The following COL23A1 variants were observed in gnomAD, a reference collection of about 807,000 sequenced individuals.
COL23A1 encodes collagen alpha-1(XXIII) chain.
In COL23A1, 97 loss-of-function variants were observed where a neutral mutation model predicts 99.3. The observed-to-expected ratio is 0.98, with a 90% confidence interval of 0.83 to 1.16. The LOEUF (loss-of-function observed/expected upper bound fraction) is 1.16, where lower values mean the gene tolerates loss of function less well. Ranked by LOEUF, COL23A1 falls within the 50% of genes most tolerant of loss-of-function variation. COL23A1 has a pLI of 0.00. For synonymous variants in COL23A1, 320 were observed against 308.2 expected (o/e 1.04, Z -0.40); for missense variants, 762 against 757.4 (o/e 1.01, Z -0.07).
At chr5:178,535,418 G>A (rs1038729094) in intron 2 of COL23A1, among the ~76,000 whole-genome samples, 2 of 152,228 alleles carry the variant, frequency 1.3e-5, no homozygotes, top group Non-Finnish European at 2.9e-5. Context: ...TGTGGGCAAG[G>A]CCACAAGCTG....
rs553213961 is a variant in COL23A1, at chr5:178,284,031, T to C, written c.441+4293A>G. 7.9e-5 allele frequency among the ~76,000 whole-genome samples: 12 copies of C among 152,328 alleles called. No individual in the cohort carries two copies. In the East Asian group the frequency reaches 2.1e-3, roughly 27 times the overall value. On this transcript the variant is annotated intron_variant, in intron 5 of 28. Transcript: ENST00000390654. ...ACAGCCAAGCCTCCTATTTCTGAGA[T>C]GGGCAAATCACTTTATCCACATAAA...
intron 2 of COL23A1, among the ~76,000 whole-genome samples, chr5:178,335,439 T>C (rs979044673): frequency 2.0e-5 from 3 of 152,076 alleles, no homozygotes; most frequent in Non-Finnish European, 2.9e-5. Flanking sequence ...GGAGAAGGAA[T>C]AAGGAAGACA....
chr5:178,286,996 G>A (rs1333615779), intron 5 of COL23A1, among the ~76,000 whole-genome samples: 2 of 152,152 alleles, frequency 1.3e-5, no homozygotes, highest in Non-Finnish European at 2.9e-5. Context: ...GTTAGTCTCC[G>A]GTCCTCCCGA....
chr5:178,256,756 T>C, intron 14 of COL23A1, 110 bp downstream of exon 14: 1 of 1,100,314 alleles, frequency 9.1e-7, no homozygotes, highest in Non-Finnish European at 1.3e-6. Flanking sequence ...GGTCAGGCCC[T>C]CCTGGGACTT....
chr5:178,358,689 G>A (rs987112060), intron 2 of COL23A1, among the ~76,000 whole-genome samples: 7 of 136,752 alleles, frequency 5.1e-5, no homozygotes, highest in East Asian at 2.2e-4. Flanking sequence ...GTGTATGTGT[G>A]TGTATGTATG....
Position 178,589,324 on chromosome 5 carries a change from AT to A in COL23A1, c.294+579del, listed in dbSNP as rs1764150383. Among the ~76,000 whole-genome samples, 1 of 151,846 alleles carries A rather than the reference AT, an allele frequency of 6.6e-6. No homozygotes were observed. On this transcript the variant is annotated intron_variant, in intron 1 of 28. Transcript: ENST00000390654. This position sits in a 1 kb window ranked among gnomAD's most constrained non-coding sequence, Gnocchi z 5.4. ...CTCCTTCCTCTCATCTTACCAAGTCATGTGGGCGCCCCCACCCCCATCCCCG... is the reference window on the plus strand; with the variant it reads ...CTCCTTCCTCTCATCTTACCAAGTCAGTGGGCGCCCCCACCCCCATCCCCG...
intron 2 of COL23A1, among the ~76,000 whole-genome samples, chr5:178,318,359 C>T (rs2973698): frequency 0.9 from 137,272 of 152,288 alleles, 61,920 homozygotes; most frequent in Admixed American, 0.93. Context: ...GTGGGTGCCA[C>T]GATGGGGAGC....
At chr5:178,443,344 A>C (rs1766984249) in intron 2 of COL23A1, among the ~76,000 whole-genome samples, 1 of 152,230 alleles carries the variant, frequency 6.6e-6, no homozygotes, top group African/African-American at 2.4e-5. Flanking sequence ...CACAAAGGCC[A>C]AATGTCTTGC....
At chr5:178,243,502 AAAAG>A (rs1294246268) in intron 25 of COL23A1, among the ~76,000 whole-genome samples, 2 of 152,004 alleles carry the variant, frequency 1.3e-5, no homozygotes, top group Non-Finnish European at 1.5e-5. Flanking sequence ...AAAAAAAAAA[AAAAG>A]AAACAATTTT....
At chr5:178,249,030 C>G in intron 19 of COL23A1, 87 bp downstream of exon 19, 3 of 1,387,164 alleles carry the variant, frequency 2.2e-6, no homozygotes, top group South Asian at 1.2e-5. Flanking sequence ...GGGTCACGCC[C>G]TGGCCTCCCC....
intron 1 of COL23A1, among the ~76,000 whole-genome samples, chr5:178,582,936 C>A (rs777403143): frequency 2.0e-5 from 3 of 152,212 alleles, no homozygotes; most frequent in Admixed American, 6.5e-5. Flanking sequence ...AACCCACACA[C>A]AGGGTTCGCA....
intron 22 of COL23A1, among the ~76,000 whole-genome samples, chr5:178,246,736 G>T (rs201344520): frequency 1.1e-5 from 1 of 90,668 alleles, no homozygotes; most frequent in Non-Finnish European, 3.0e-5. Flanking sequence ...GGCGGGGGGG[G>T]GGGGACAGGC....
chr5:178,493,661 G>T (rs1758052133), intron 2 of COL23A1, among the ~76,000 whole-genome samples: 1 of 152,270 alleles, frequency 6.6e-6, no homozygotes, highest in Admixed American at 6.5e-5. Flanking sequence ...CAAGGAAAGA[G>T]TTTTCTCTGT....
intron 2 of COL23A1, among the ~76,000 whole-genome samples, chr5:178,333,156 C>T (rs545618467): frequency 1.3e-5 from 2 of 152,184 alleles, no homozygotes; most frequent in South Asian, 2.1e-4. Context: ...CGGGGTTTCA[C>T]CATCTTGGCC....
At chr5:178,241,426 A>C (rs1329650623) in intron 27 of COL23A1, among the ~76,000 whole-genome samples, 1 of 152,022 alleles carries the variant, frequency 6.6e-6, no homozygotes, top group Non-Finnish European at 1.5e-5. Flanking sequence ...GGAGGAAGGA[A>C]GGGGAGGCAC....
intron 2 of COL23A1, among the ~76,000 whole-genome samples, chr5:178,386,150 C>A (rs1763657391): frequency 6.6e-6 from 1 of 152,188 alleles, no homozygotes; most frequent in South Asian, 2.1e-4. Context: ...ATTAAAAATA[C>A]AACATAGGCC....
Position 178,403,756 on chromosome 5 carries a change from C to T in COL23A1, c.362-96837G>A, listed in dbSNP as rs145874943. 5.6e-3 allele frequency among the ~76,000 whole-genome samples: 848 copies of T among 152,336 alleles called. 5 individuals carry two copies. Among genetic ancestry groups the T allele is most frequent in the Non-Finnish European group, 9.0e-3 (612 of 68,036 alleles). On this transcript the variant is annotated intron_variant, in intron 2 of 28. Transcript: ENST00000390654. Reference sequence around the variant, plus strand: ...CACCAACTGTGCCCAACACCTGCAACGCTTTCCAAGAAAGACAATGTGAGG... The same window carrying T: ...CACCAACTGTGCCCAACACCTGCAATGCTTTCCAAGAAAGACAATGTGAGG...
At chr5:178,539,197 T>A (rs900863809) in intron 2 of COL23A1, among the ~76,000 whole-genome samples, 7 of 152,200 alleles carry the variant, frequency 4.6e-5, no homozygotes, top group African/African-American at 1.7e-4. Flanking sequence ...CTGAATTGCA[T>A]ACTTTAAACA....
intron 2 of COL23A1, among the ~76,000 whole-genome samples, chr5:178,371,770 G>A (rs1029037117): frequency 1.1e-4 from 17 of 152,066 alleles, no homozygotes; most frequent in Non-Finnish European, 1.6e-4. Flanking sequence ...ATCTACTCTC[G>A]GCCACCCAGC....
Sources: allele counts gnomAD v4.1 joint callset (sites outside exome capture counted in the v4.1 genomes callset), GRCh38; gene constraint gnomAD v4.1.1; non-coding constraint Gnocchi (gnomAD v3.1); transcripts MANE v1.5; gene names NCBI Gene and HGNC (gene_info 2026-07-23, HGNC 2026-07-21).